Variants in ARHGEF10 observed in about 807,000 individuals in gnomAD.
ARHGEF10 encodes Rho guanine nucleotide exchange factor (GEF) 10.
A neutral mutation model predicts 147.4 loss-of-function variants in ARHGEF10; 140 were observed. That is an observed-to-expected ratio of 0.95 (90% CI 0.83 to 1.09). The LOEUF is 1.09. ARHGEF10 is among the 50% of genes least tolerant of loss of function. The probability of loss-of-function intolerance (pLI) is 0.00; values close to 1 mark genes in which losing one functional copy is unlikely to be tolerated. For missense variants in ARHGEF10, 2,222 were observed against 1,752.7 expected (o/e 1.27, Z -4.78); for synonymous variants, 902 against 695.8 (o/e 1.30, Z -4.67).
intron 28 of ARHGEF10, among the ~76,000 whole-genome samples, chr8:1,956,205 G>A (rs1200059183): frequency 6.6e-6 from 1 of 152,176 alleles, no homozygotes; most frequent in Non-Finnish European, 1.5e-5. Flanking sequence ...ATACGATCGT[G>A]ACTTTAAAAT....
At chr8:1,942,195 G>A (rs1012888993) in intron 26 of ARHGEF10, among the ~76,000 whole-genome samples, 2 of 149,892 alleles carry the variant, frequency 1.3e-5, no homozygotes, top group Non-Finnish European at 3.0e-5. Context: ...CACAGAGTGG[G>A]AGAAAATACG....
rs535788554 is a variant in ARHGEF10, at chr8:1,840,948, A to C, written c.-47-2405A>C. On this transcript the variant is annotated intron_variant, in intron 1 of 28. Transcript: ENST00000349830. Reference sequence around the variant, plus strand: ...CCCTGTCTTGCTGCACAGAAAGCTCACCTGCAAGGGCACCCGATGTGGATC... The same window carrying C: ...CCCTGTCTTGCTGCACAGAAAGCTCCCCTGCAAGGGCACCCGATGTGGATC... 1.1e-4 allele frequency among the ~76,000 whole-genome samples: 16 copies of C among 152,260 alleles called. No individual in the cohort carries two copies. In the East Asian group the frequency reaches 2.9e-3, roughly 28 times the overall value.
At chr8:1,952,597 G>T (rs2129289532) in intron 27 of ARHGEF10, 108 bp from the exon 28 acceptor site, 1 of 1,466,382 alleles carries the variant, frequency 6.8e-7, no homozygotes, top group Admixed American at 1.8e-5. Flanking sequence ...GCCCCTGGCG[G>T]ATTTGGTGGT....
intron 11 of ARHGEF10, among the ~76,000 whole-genome samples, chr8:1,890,973 A>G: frequency 6.6e-6 from 1 of 152,062 alleles, no homozygotes; most frequent in East Asian, 1.9e-4. Flanking sequence ...TTTTGCTCTG[A>G]TTATCTCAGT....
chr8:1,895,481 CA>C (rs1809894737), intron 13 of ARHGEF10, among the ~76,000 whole-genome samples: 1 of 152,026 alleles, frequency 6.6e-6, no homozygotes, highest in African/African-American at 2.4e-5. Flanking sequence ...AATATGGAAA[CA>C]AAATTCTTTC....
At chr8:1,845,768 A>G (rs751573135) in intron 2 of ARHGEF10, among the ~76,000 whole-genome samples, 1 of 152,186 alleles carries the variant, frequency 6.6e-6, no homozygotes, top group Non-Finnish European at 1.5e-5. Flanking sequence ...CATGGTCTCC[A>G]CGACCAGAAC....
chr8:1,956,413 G>T (rs1292477619), intron 28 of ARHGEF10, among the ~76,000 whole-genome samples: 1 of 152,114 alleles, frequency 6.6e-6, no homozygotes, highest in Non-Finnish European at 1.5e-5. Flanking sequence ...TTTCCATAGG[G>T]TAAGTAAGAA....
At chr8:1,947,176 C>T (rs1037076487) in intron 27 of ARHGEF10, among the ~76,000 whole-genome samples, 6 of 152,268 alleles carry the variant, frequency 3.9e-5, no homozygotes, top group African/African-American at 1.2e-4. Flanking sequence ...CACGCTCTCA[C>T]GCGGCAGTGA....
intron 16 of ARHGEF10, 70 bp from the exon 17 acceptor site, chr8:1,905,501 A>G: frequency 2.2e-5 from 34 of 1,565,632 alleles, no homozygotes; most frequent in Non-Finnish European, 2.7e-5. Flanking sequence ...TCCATACCAG[A>G]CTTCTCCTCA....
intron 1 of ARHGEF10, among the ~76,000 whole-genome samples, chr8:1,842,652 G>A (rs1006188791): frequency 6.6e-6 from 1 of 152,252 alleles, no homozygotes; most frequent in East Asian, 1.9e-4. Context: ...GTTCCCTGAG[G>A]ACAGCTTATT....
chr8:1,823,562 C>T (rs1802531188), upstream of ARHGEF10, among the ~76,000 whole-genome samples: 1 of 152,112 alleles, frequency 6.6e-6, no homozygotes, highest in African/African-American at 2.4e-5. Flanking sequence ...GCGCACCCTC[C>T]CCAAGGGGCG....
rs770087875 is a variant in ARHGEF10 at position 1,905,536 on chromosome 8, A to T, written c.1822-35A>T. The T allele has an allele frequency of 4.3e-6, 7 of 1,613,964 alleles. No homozygotes were observed. In the Admixed American group the frequency reaches 8.3e-5, roughly 19 times the overall value. ...ATCTTTTTCTTTTCCGGGTAAACTGAACTGTGGTCCCTGGGCTGTGTTTTG... is the reference window on the plus strand; with the variant it reads ...ATCTTTTTCTTTTCCGGGTAAACTGTACTGTGGTCCCTGGGCTGTGTTTTG... On this transcript the variant is annotated intron_variant, in intron 16 of 28. Coordinates refer to ENST00000349830, the MANE Select transcript of ARHGEF10 (RefSeq NM_014629.4).
At chr8:1,893,241 A>C (rs555954268) in intron 11 of ARHGEF10, among the ~76,000 whole-genome samples, 8 of 152,344 alleles carry the variant, frequency 5.3e-5, no homozygotes, top group Admixed American at 4.6e-4. Flanking sequence ...AGGAAGTATC[A>C]TCTACCTGAA....
intron 18 of ARHGEF10, among the ~76,000 whole-genome samples, chr8:1,920,725 T>C (rs1424408100): frequency 6.6e-6 from 1 of 152,234 alleles, no homozygotes; most frequent in Non-Finnish European, 1.5e-5. Flanking sequence ...ATTATAAGCA[T>C]TCTGTAAGGA....
chr8:1,877,925 TC>T (rs1270438700), intron 8 of ARHGEF10, among the ~76,000 whole-genome samples: 1 of 152,000 alleles, frequency 6.6e-6, no homozygotes, highest in Non-Finnish European at 1.5e-5. Context: ...ATCCCTCCGG[TC>T]CCCTAGTAAC....
chr8:1,851,216 C>G (rs1359414490), intron 2 of ARHGEF10, among the ~76,000 whole-genome samples: 1 of 137,454 alleles, frequency 7.3e-6, no homozygotes, highest in African/African-American at 2.7e-5. Context: ...CACGCCTGTC[C>G]AAACCCATAG....
At chr8:1,836,346 A>T (rs1012079101) in intron 1 of ARHGEF10, among the ~76,000 whole-genome samples, 1 of 152,118 alleles carries the variant, frequency 6.6e-6, no homozygotes, top group South Asian at 2.1e-4. Context: ...TTGAAAGCGG[A>T]GTCTTCTGCT....
intron 1 of ARHGEF10, among the ~76,000 whole-genome samples, chr8:1,836,159 C>T (rs533491302): frequency 1.3e-4 from 19 of 147,040 alleles, no homozygotes; most frequent in African/African-American, 2.5e-4. Context: ...CCAGCCTGGG[C>T]GACAGAGCAA....
Position 1,889,272 on chromosome 8 carries a change from G to T in ARHGEF10, c.1182+3565G>T, listed in dbSNP as rs1035561801. On this transcript the variant is annotated intron_variant, in intron 11 of 28. Coordinates refer to ENST00000349830, the MANE Select transcript of ARHGEF10 (RefSeq NM_014629.4). ...GGGATGAGAGGTGTGAGGAGACACT[G>T]AATGTGGTGAGGGTTTGTGAGGAGA... 9.4e-5 allele frequency among the ~76,000 whole-genome samples: 6 copies of T among 63,868 alleles called. 1 individual carries two copies. Among genetic ancestry groups the T allele is most frequent in the African/African-American group, 4.6e-4 (5 of 10,902 alleles). 41.9% of individuals were successfully genotyped at this position (63,868 alleles called of 152,430 possible). A position where few individuals can be genotyped will look rare whatever the true frequency, so the allele number is the denominator to read the frequency against.
Sources: allele counts gnomAD v4.1 joint callset (sites outside exome capture counted in the v4.1 genomes callset), GRCh38; gene constraint gnomAD v4.1.1; transcripts MANE v1.5; gene names NCBI Gene and HGNC (gene_info 2026-07-23, HGNC 2026-07-21).